Variants in NSG2 observed in about 807,000 individuals in gnomAD.
NSG2 encodes the protein neuronal vesicle trafficking associated 2.
In NSG2, 4 loss-of-function variants were observed where a neutral mutation model predicts 16.9. The observed-to-expected ratio is 0.24, with a 90% CI of 0.12 to 0.54. NSG2 has a LOEUF of 0.54. Among genes scored for constraint, NSG2 ranks in the 20% least tolerant of loss-of-function variants. The probability of loss-of-function intolerance (pLI) is 0.95; values close to 1 mark genes in which losing one functional copy is unlikely to be tolerated. For missense variants in NSG2, 179 were observed against 221.1 expected (o/e 0.81, Z 1.21); for synonymous variants, 98 against 88.7 (o/e 1.11, Z -0.59).
chr5:174,089,418 T>G (rs1760687384), intron 3 of NSG2, among the ~76,000 whole-genome samples: 2 of 152,072 alleles, frequency 1.3e-5, no homozygotes, highest in Non-Finnish European at 2.9e-5. Flanking sequence ...GGGTGTATTT[T>G]TTTTTCCATG....
intron 3 of NSG2, among the ~76,000 whole-genome samples, chr5:174,073,014 G>A (rs1760270092): frequency 6.6e-6 from 1 of 151,370 alleles, no homozygotes; most frequent in Non-Finnish European, 1.5e-5. Flanking sequence ...GAATGCATAA[G>A]GAGGTGAATG....
chr5:174,061,413 T>TA (rs1760049385), intron 2 of NSG2, among the ~76,000 whole-genome samples: 1 of 152,242 alleles, frequency 6.6e-6, no homozygotes, highest in African/African-American at 2.4e-5. Context: ...CTAGGAGCTT[T>TA]ACCATTTGCT....
At chr5:174,089,407 A>G (rs1343740028) in intron 3 of NSG2, among the ~76,000 whole-genome samples, 1 of 152,068 alleles carries the variant, frequency 6.6e-6, no homozygotes, top group African/African-American at 2.4e-5. Context: ...AAGGTAGGAG[A>G]GGGTGTATTT....
At chr5:174,071,529 TAAAC>T (rs979220011) in intron 3 of NSG2, among the ~76,000 whole-genome samples, 4 of 152,148 alleles carry the variant, frequency 2.6e-5, no homozygotes, top group African/African-American at 7.2e-5. Flanking sequence ...GGGCTATTAT[TAAAC>T]AAACAGCAAC....
chr5:174,079,841 G>A (rs1394616520), intron 3 of NSG2, among the ~76,000 whole-genome samples: 2 of 152,118 alleles, frequency 1.3e-5, no homozygotes, highest in Admixed American at 1.3e-4. Flanking sequence ...GACTCCACAA[G>A]GCATGAGGGA....
At chr5:174,081,633 G>A (rs939492186) in intron 3 of NSG2, 1 of 151,894 alleles carries the variant, frequency 6.6e-6, no homozygotes, top group African/African-American at 2.4e-5. Context: ...TAAAAAGAAT[G>A]TACGAGCATT....
intron 3 of NSG2, among the ~76,000 whole-genome samples, chr5:174,076,709 G>A (rs899511564): frequency 2.6e-5 from 4 of 152,148 alleles, no homozygotes; most frequent in African/African-American, 7.2e-5. Context: ...TCAGTCAGAG[G>A]TGATTTTGTT....
intron 3 of NSG2, among the ~76,000 whole-genome samples, chr5:174,092,905 TG>T (rs1760742438): frequency 6.6e-6 from 1 of 152,136 alleles, no homozygotes; most frequent in Non-Finnish European, 1.5e-5. Flanking sequence ...TCCATGTAGA[TG>T]GGAACAAGAA....
chr5:174,093,495 G>A (rs998406164), intron 3 of NSG2, among the ~76,000 whole-genome samples: 3 of 152,162 alleles, frequency 2.0e-5, no homozygotes, highest in Admixed American at 1.3e-4. Context: ...TTCTGGCTTC[G>A]AAGGCTCTGC....
chr5:174,092,064 C>G (rs1340729724), intron 3 of NSG2, among the ~76,000 whole-genome samples: 1 of 152,202 alleles, frequency 6.6e-6, no homozygotes, highest in Non-Finnish European at 1.5e-5. Flanking sequence ...AGTCTCCAGG[C>G]TACTTGCATT....
chr5:174,070,676 G>A (rs1760223229), intron 3 of NSG2, among the ~76,000 whole-genome samples: 1 of 152,216 alleles, frequency 6.6e-6, no homozygotes, highest in African/African-American at 2.4e-5. Flanking sequence ...CTTCTCAGCT[G>A]TGCTCTTCCT....
chr5:174,049,791 T>C (rs189560806), intron 2 of NSG2, among the ~76,000 whole-genome samples: 1 of 152,306 alleles, frequency 6.6e-6, no homozygotes, highest in Non-Finnish European at 1.5e-5. Flanking sequence ...GTATTATCAG[T>C]TTTCTGTGCT....
At chr5:174,049,146 TGGCG>T (rs1759847196) in intron 2 of NSG2, among the ~76,000 whole-genome samples, 1 of 151,990 alleles carries the variant, frequency 6.6e-6, no homozygotes, top group Non-Finnish European at 1.5e-5. Flanking sequence ...GAGACCATCC[TGGCG>T]AACACGGTGA....
chr5:174,059,418 C>CCATTAT lies in NSG2; in HGVS notation c.130-4813_130-4808dup, dbSNP rs890150085. ...AATGTTCTTGTATCTTTTGGTGGAC[C>CCATTAT]CATTATGTTTTTGAGCTGACTTTTT... On this transcript the variant is annotated intron_variant, in intron 2 of 4. Coordinates refer to ENST00000303177, the MANE Select transcript of NSG2 (RefSeq NM_015980.5). Among the ~76,000 whole-genome samples, 28 of 152,084 alleles carry CCATTAT rather than the reference C, an allele frequency of 1.8e-4. No individual in the cohort carries two copies. The Middle Eastern group carries it at 0.01, about 55-fold the overall frequency.
intron 3 of NSG2, among the ~76,000 whole-genome samples, chr5:174,086,096 G>T (rs931062108): frequency 6.6e-6 from 1 of 152,020 alleles, no homozygotes. Context: ...CCCCTGCCCT[G>T]CCCTGTCAAG....
intron 3 of NSG2, 96 bp from the exon 4 acceptor site, chr5:174,104,132 A>G: frequency 1.2e-6 from 1 of 837,248 alleles, no homozygotes; most frequent in Admixed American, 2.0e-5. Context: ...TTTCTAGCAC[A>G]CCATGCTGCC....
At chr5:174,091,512 G>A (rs2113466367) in intron 3 of NSG2, among the ~76,000 whole-genome samples, 1 of 152,294 alleles carries the variant, frequency 6.6e-6, no homozygotes, top group South Asian at 2.1e-4. Context: ...TGGGAGCCTG[G>A]GGGGATGGGG....
chr5:174,060,447 G>C (rs1453408629), intron 2 of NSG2, among the ~76,000 whole-genome samples: 1 of 152,102 alleles, frequency 6.6e-6, no homozygotes, highest in Non-Finnish European at 1.5e-5. Flanking sequence ...AGAACAGTTG[G>C]AGGACTGTGG....
Position 174,046,858 on chromosome 5 carries a change from C to A in NSG2, c.103C>A (p.His35Asn). 1 of 1,614,130 alleles carries A rather than the reference C, an allele frequency of 6.2e-7. No homozygotes were observed. The highest frequency in any genetic ancestry group is 8.5e-7 in the Non-Finnish European group (1 of 1,180,018). The stretch of plus-strand genomic sequence containing the variant: ...TCTCATCACTCCCTTGGAGGTTAAT[C>A]ACTTACAGCTGCCTGCTCCAGAAAA... ...VPLITPLEVN[H>N]LQLPAPEKVI... is the part of the protein sequence containing the mutation. Residue 35 changes from histidine (H) to asparagine (N), a missense_variant, in exon 2 of 5, where the codon CAC (histidine) becomes AAC (asparagine). Coordinates refer to ENST00000303177, the MANE Select transcript of NSG2 (RefSeq NM_015980.5).
Sources: gnomAD v4.1 joint callset for allele counts (sites outside exome capture counted in the v4.1 genomes callset) on GRCh38, gnomAD v4.1.1 for gene constraint, MANE v1.5 for transcripts, NCBI Gene and HGNC (gene_info 2026-07-23, HGNC 2026-07-21) for gene names.